Variants in SRSF2 observed in about 807,000 individuals in gnomAD.
SRSF2 encodes serine and arginine rich splicing factor 2.
A neutral mutation model predicts 15.7 loss-of-function variants in SRSF2; 4 were observed. That is an observed-to-expected ratio of 0.26 (90% confidence interval 0.13 to 0.58). The LOEUF is 0.58. SRSF2 is among the 20% of genes least tolerant of loss of function. SRSF2 has a pLI of 0.90. For missense variants in SRSF2, 147 were observed against 332.4 expected (o/e 0.44, Z 4.34); for synonymous variants, 192 against 138.9 (o/e 1.38, Z -2.69).
intron 2 of SRSF2, chr17:76,735,480 T>C (rs188462893): frequency 9.1e-4 from 208 of 228,444 alleles, no homozygotes; most frequent in African/African-American, 4.2e-3. Flanking sequence ...TAAGATAAAT[T>C]GTTTCAAATG....
intron 1 of SRSF2, 95 bp downstream of exon 1, chr17:76,736,703 GC>G: frequency 1.5e-6 from 2 of 1,327,138 alleles, no homozygotes; most frequent in South Asian, 3.6e-5. Flanking sequence ...CCCCGTCCGG[GC>G]CCGCACCACG....
chr17:76,736,478 G>T lies in SRSF2; in HGVS notation c.363-14C>A, dbSNP rs545669570. On this transcript the variant is annotated splice_polypyrimidine_tract_variant and intron_variant, in intron 1 of 2. Coordinates refer to ENST00000359995, the MANE Select transcript of SRSF2 (RefSeq NM_001195427.2). ...CGCCGCCTAGGGCTGCGGGCGGGAC[G>T]AGCAAGCACAGCGGGGTTAATTCCA... The T allele has an allele frequency of 6.2e-7, 1 of 1,608,154 alleles. No homozygotes were observed.
At chr17:76,736,590 G>T (rs1294557954) in intron 1 of SRSF2, 126 bp from the exon 2 acceptor site, 3 of 1,232,154 alleles carry the variant, frequency 2.4e-6, no homozygotes, top group Non-Finnish European at 3.2e-6. Flanking sequence ...CGCGAGGCGG[G>T]GTCCTCCGCC....
At chr17:76,735,864 A>G (rs1415261497) in intron 2 of SRSF2, 1 of 556,208 alleles carries the variant, frequency 1.8e-6, no homozygotes, top group East Asian at 3.7e-5. Flanking sequence ...TTTATCAAAC[A>G]GGAGACCGCA....
At position 76,736,470 on chromosome 17, in the gene SRSF2, G is replaced by A. The variant is rs1568024048; in HGVS notation, c.363-6C>T. ...TGCGGCGACGCCGCCTAGGGCTGCG[G>A]GCGGGACGAGCAAGCACAGCGGGGT... On this transcript the variant is annotated splice_polypyrimidine_tract_variant and splice_region_variant and intron_variant, in intron 1 of 2. Transcript: ENST00000359995. The A allele has an allele frequency of 1.9e-6, 3 of 1,609,416 alleles. No individual in the cohort carries two copies. Among genetic ancestry groups the A allele is most frequent in the African/African-American group, 1.3e-5 (1 of 74,932 alleles).
Position 76,734,669 on chromosome 17 carries a change from T to C in SRSF2, c.*497A>G, listed in dbSNP as rs1161075733. On this transcript the variant is annotated 3_prime_UTR_variant, in exon 3 of 3. Coordinates refer to ENST00000359995, the MANE Select transcript of SRSF2 (RefSeq NM_001195427.2). ...TGAAAAGTCTTTATACAAATTTGGGTTCAGATTACCATTTAGATCTGAAGG... is the reference window on the plus strand; with the variant it reads ...TGAAAAGTCTTTATACAAATTTGGGCTCAGATTACCATTTAGATCTGAAGG... The C allele has an allele frequency of 1.7e-5, 4 of 230,232 alleles. No homozygotes were observed. Among genetic ancestry groups the C allele is most frequent in the African/African-American group, 6.7e-5 (3 of 44,818 alleles). The allele number at this position is 230,232 out of a possible 1,614,324, so 14.3% of individuals were successfully genotyped here. A position where few individuals can be genotyped will look rare whatever the true frequency, so the allele number is the denominator to read the frequency against.
Position 76,736,290 on chromosome 17 carries a change from A to G in SRSF2, c.537T>C (p.Ser179=). ...SKSKSSSVSR[S]RSRSRSRSRS... ...GAGACCGGGACCTGGACCGCGAACG[A>G]GATCTGGAGACCGACGAGGACTTGG... Residue 179 remains serine (S), a synonymous_variant, in exon 2 of 3, where the codon TCT becomes TCC. Coordinates refer to ENST00000359995, the MANE Select transcript of SRSF2 (RefSeq NM_001195427.2). 6.2e-7 allele frequency: 1 copy of G among 1,614,044 alleles called. No homozygotes were observed. The highest frequency in any genetic ancestry group is 8.5e-7 in the Non-Finnish European group (1 of 1,179,982).
rs780208479 is a variant in SRSF2 at position 76,737,217 on chromosome 17, G to A, written c.-57C>T. On this transcript the variant is annotated 5_prime_UTR_variant, in exon 1 of 3. Transcript: ENST00000359995. ...CTGGCGCCGGCTTCCTCAGCTCTGG[G>A]CGGTGCGACGCCGCGCCTCTCAGGC... 4.8e-6 allele frequency: 7 copies of A among 1,471,548 alleles called. No homozygotes were observed. Among genetic ancestry groups the A allele is most frequent in the Non-Finnish European group, 6.3e-6 (7 of 1,106,046 alleles). 91.2% of individuals were successfully genotyped at this position (1,471,548 alleles called of 1,614,324 possible).
Position 76,736,419 on chromosome 17 carries a change from G to C in SRSF2, c.408C>G (p.Ser136=). ...TGTAGCGAGATCGGCTGCGAGACCT[G>C]GAACGACTCCGACTCCGGGATCGGC... is the stretch of plus-strand genomic sequence containing the variant. ...RRSRSRSRSR[S]RSRSRSRYSR... is the part of the protein sequence containing the mutation. The change falls in exon 2 of 3, where the codon TCC becomes TCG. Residue 136 remains serine, a synonymous_variant. Transcript: ENST00000359995. 1 of 1,613,754 alleles carries C rather than the reference G, an allele frequency of 6.2e-7. No individual in the cohort carries two copies. Among genetic ancestry groups the C allele is most frequent in the Non-Finnish European group, 8.5e-7 (1 of 1,179,990 alleles).
chr17:76,736,518 CCCCGCCCGCGCGCT>C (rs750310954), intron 1 of SRSF2, 54 bp from the exon 2 acceptor site: 1 of 1,560,646 alleles, frequency 6.4e-7, no homozygotes, highest in Non-Finnish European at 8.7e-7. Flanking sequence ...GCGGGGCCGG[CCCCGCCCGCGCGCT>C]CCCGCCCAGG....
Position 76,736,323 on chromosome 17 carries a change from C to T in SRSF2, c.504G>A (p.Arg168=), listed in dbSNP as rs376398460. ...RSTSKSRSAR[R]SKSKSSSVSR... ...AGACCGACGAGGACTTGGACTTGGACCTTCGTGCGGATCTGGACTTGGAGG... is the reference window on the plus strand; with the variant it reads ...AGACCGACGAGGACTTGGACTTGGATCTTCGTGCGGATCTGGACTTGGAGG... The change falls in exon 2 of 3, where the codon AGG becomes AGA. Residue 168 remains arginine (R), a synonymous_variant. Transcript: ENST00000359995. The T allele has an allele frequency of 1.9e-6, 3 of 1,614,122 alleles. No homozygotes were observed. Among genetic ancestry groups the T allele is most frequent in the South Asian group, 1.1e-5 (1 of 91,074 alleles).
upstream of SRSF2, chr17:76,737,340 A>C: frequency 2.5e-6 from 2 of 793,092 alleles, no homozygotes; most frequent in Non-Finnish European, 1.9e-6. Context: ...CTGGGCGGGC[A>C]GCCGGCCTCT....
chr17:76,736,518 C>G, intron 1 of SRSF2, 54 bp from the exon 2 acceptor site: 1 of 1,560,646 alleles, frequency 6.4e-7, no homozygotes, highest in South Asian at 1.1e-5. Flanking sequence ...GCGGGGCCGG[C>G]CCCGCCCGCG....
At chr17:76,736,560 C>T (rs935742869) in intron 1 of SRSF2, 96 bp from the exon 2 acceptor site, 33 of 1,389,022 alleles carry the variant, frequency 2.4e-5, no homozygotes, top group Middle Eastern at 2.1e-4. Context: ...TATCTCGCCG[C>T]CAGACGCCAT....
chr17:76,737,405 A>G (rs1302104807), upstream of SRSF2: 4 of 441,836 alleles, frequency 9.1e-6, no homozygotes, highest in Admixed American at 3.9e-5. Context: ...CGGAAATGAA[A>G]CCTTCTGATT....
chr17:76,736,679 G>T (rs1347237325), intron 1 of SRSF2, 120 bp downstream of exon 1: 142 of 1,239,500 alleles, frequency 1.1e-4, no homozygotes, highest in Non-Finnish European at 3.4e-5. Flanking sequence ...CGCGAGACGC[G>T]GCGTGCACCC....
In SRSF2 at chr17:76,736,144, C is replaced by G. The variant is rs1172950460; in HGVS notation, c.*7+10G>C. The G allele has an allele frequency of 6.3e-7, 1 of 1,580,272 alleles. No individual in the cohort carries two copies. Among genetic ancestry groups the G allele is most frequent in the East Asian group, 2.2e-5 (1 of 44,472 alleles). On this transcript the variant is annotated intron_variant, in intron 2 of 2. Coordinates refer to ENST00000359995, the MANE Select transcript of SRSF2 (RefSeq NM_001195427.2). ...ATTAGGGTTATGTGTCTCGGATTCC[C>G]AGACATTACCATTTTCTTAAGAGGA...
At chr17:76,736,674 G>A (rs949427164) in intron 1 of SRSF2, 125 bp downstream of exon 1, 8 of 1,232,518 alleles carry the variant, frequency 6.5e-6, no homozygotes, top group African/African-American at 6.4e-5. Flanking sequence ...AGGGTCGCGA[G>A]ACGCGGCGTG....
rs774219066 is a variant in SRSF2 at position 76,736,581 on chromosome 17, G to T, written c.363-117C>A. 5.5e-6 allele frequency: 7 copies of T among 1,267,858 alleles called. No homozygotes were observed. The African/African-American group carries it at 9.4e-5, about 17-fold the overall frequency. The allele number at this position is 1,267,858 out of a possible 1,614,324, so 78.5% of individuals were successfully genotyped here. A position where few individuals can be genotyped will look rare whatever the true frequency, so the allele number is the denominator to read the frequency against. The stretch of plus-strand genomic sequence containing the variant: ...GCCGCCAGACGCCATTTCCCCAGTC[G>T]CGAGGCGGGGTCCTCCGCCCCGCGC... On this transcript the variant is annotated intron_variant, in intron 1 of 2. Coordinates refer to ENST00000359995, the MANE Select transcript of SRSF2 (RefSeq NM_001195427.2).
Sources: allele counts gnomAD v4.1 joint callset, GRCh38; gene constraint gnomAD v4.1.1; transcripts MANE v1.5; gene names NCBI Gene and HGNC (gene_info 2026-07-23, HGNC 2026-07-21).